Variants in CSMD1 observed in about 807,000 individuals in gnomAD.
The protein encoded by CSMD1 is CUB and sushi domain-containing protein 1.
Under a neutral mutation model 417.5 loss-of-function variants are expected in CSMD1, and 213 were observed. The ratio of observed to expected loss-of-function variants is 0.51; its 90% CI spans 0.46 to 0.57. The LOEUF (loss-of-function observed/expected upper bound fraction) is 0.57, where lower values mean the gene tolerates loss of function less well. Ranked by LOEUF, CSMD1 falls within the 20% of genes least tolerant of loss-of-function variation. CSMD1 has a pLI of 0.00. For missense variants in CSMD1, 6,923 were observed against 4,529.7 expected (o/e 1.53, Z -15.17); for synonymous variants, 2,862 against 1,736.8 (o/e 1.65, Z -16.11).
chr8:4,041,357 T>C (rs1797886036), intron 3 of CSMD1, among the ~76,000 whole-genome samples: 1 of 152,124 alleles, frequency 6.6e-6, no homozygotes, highest in Non-Finnish European at 1.5e-5. Context: ...TTAATCCATA[T>C]ATAAATTTTC....
At position 4,067,207 on chromosome 8, in the gene CSMD1, A is replaced by G. The variant is rs371507127; in HGVS notation, c.416-35108T>C. On this transcript the variant is annotated intron_variant, in intron 3 of 69. Transcript: ENST00000635120. ...TATCCTCCGTCTTTGCATCTATTTTATCATCTTTTTTCTACATGAAGTCAG... is the reference window on the plus strand; with the variant it reads ...TATCCTCCGTCTTTGCATCTATTTTGTCATCTTTTTTCTACATGAAGTCAG... 4.6e-5 allele frequency among the ~76,000 whole-genome samples: 7 copies of G among 152,350 alleles called. 1 individual carries two copies. Among genetic ancestry groups the G allele is most frequent in the Admixed American group, 3.9e-4 (6 of 15,308 alleles).
intron 1 of CSMD1, among the ~76,000 whole-genome samples, chr8:4,951,081 T>C (rs1808715810): frequency 6.6e-6 from 1 of 152,120 alleles, no homozygotes. Context: ...AAATGAAGAA[T>C]GAGATTTAGA....
At chr8:4,137,889 TTTAC>T (rs1803529938) in intron 3 of CSMD1, among the ~76,000 whole-genome samples, 2 of 151,870 alleles carry the variant, frequency 1.3e-5, no homozygotes, top group African/African-American at 4.8e-5. Context: ...AATTTATTTA[TTTAC>T]TTGAGATGAA....
chr8:4,350,201 C>G (rs185188060), intron 3 of CSMD1, among the ~76,000 whole-genome samples: 201 of 152,216 alleles, frequency 1.3e-3, no homozygotes, highest in Non-Finnish European at 2.4e-3. Flanking sequence ...TGTACAATTG[C>G]AAGGCTCTGT....
intron 7 of CSMD1, among the ~76,000 whole-genome samples, chr8:3,647,654 A>T (rs1193841243): frequency 6.6e-6 from 1 of 152,208 alleles, no homozygotes; most frequent in East Asian, 1.9e-4. Context: ...CATTCAAACA[A>T]ATTTTGTGAA....
At chr8:4,158,703 C>A (rs1796978235) in intron 3 of CSMD1, among the ~76,000 whole-genome samples, 1 of 152,040 alleles carries the variant, frequency 6.6e-6, no homozygotes. Context: ...ATTCCTAAAC[C>A]ACCCCATTCA....
intron 23 of CSMD1, among the ~76,000 whole-genome samples, chr8:3,310,755 C>T (rs1479892739): frequency 6.6e-6 from 1 of 151,374 alleles, no homozygotes; most frequent in Non-Finnish European, 1.5e-5. Flanking sequence ...AAGAACAAAG[C>T]TGTGAATGGC....
At chr8:3,110,033 A>C in intron 43 of CSMD1, 125 bp downstream of exon 43, 1 of 815,810 alleles carries the variant, frequency 1.2e-6, no homozygotes, top group Non-Finnish European at 1.8e-6. Flanking sequence ...TTCGTTGGTG[A>C]ATTTCTTCTC....
intron 3 of CSMD1, among the ~76,000 whole-genome samples, chr8:4,240,185 G>T (rs1005962316): frequency 6.6e-6 from 1 of 152,178 alleles, no homozygotes. Context: ...GGCCACTGAG[G>T]TTCCCATAAC....
At chr8:2,978,979 C>T (rs1805175237) in intron 54 of CSMD1, among the ~76,000 whole-genome samples, 179 bp from the exon 55 acceptor site, 1 of 152,176 alleles carries the variant, frequency 6.6e-6, no homozygotes, top group Non-Finnish European at 1.5e-5. Context: ...CACTCTTTTT[C>T]AAGAGGTGTC....
intron 10 of CSMD1, among the ~76,000 whole-genome samples, chr8:3,518,139 G>GA (rs1046728256): frequency 6.8e-6 from 1 of 146,972 alleles, no homozygotes; most frequent in Non-Finnish European, 1.5e-5. Flanking sequence ...ACTATTTCTA[G>GA]AAAAAAAAGA....
chr8:4,889,251 T>G (rs186215433), intron 1 of CSMD1, among the ~76,000 whole-genome samples: 19 of 152,188 alleles, frequency 1.2e-4, no homozygotes, highest in Admixed American at 1.2e-3. Context: ...CAAAATTAGT[T>G]CTATTATTGC....
chr8:3,522,332 T>C (rs1162219094), intron 10 of CSMD1, among the ~76,000 whole-genome samples: 2 of 152,238 alleles, frequency 1.3e-5, no homozygotes, highest in Non-Finnish European at 2.9e-5. Context: ...TTGTAAAGGA[T>C]ATCTTTTGAC....
intron 1 of CSMD1, among the ~76,000 whole-genome samples, chr8:4,863,922 T>C (rs1042181622): frequency 1.4e-5 from 2 of 146,424 alleles, no homozygotes; most frequent in African/African-American, 5.1e-5. Context: ...TGAAATGTTA[T>C]TTTTCTTCAT....
At chr8:4,226,252 T>C (rs1413765227) in intron 3 of CSMD1, among the ~76,000 whole-genome samples, 2 of 152,220 alleles carry the variant, frequency 1.3e-5, no homozygotes, top group East Asian at 1.9e-4. Context: ...TAAAATAGTG[T>C]ATTAACACCT....
intron 21 of CSMD1, among the ~76,000 whole-genome samples, chr8:3,349,899 TATA>T (rs1808288476): frequency 1.1e-5 from 1 of 90,432 alleles, no homozygotes; most frequent in African/African-American, 4.0e-5. Context: ...ATTTATAATA[TATA>T]TTTATATATA....
chr8:3,108,722 T>G lies in CSMD1; in HGVS notation c.6635A>C (p.Gln2212Pro). ...TGTGTTGCCACTGAAAACTCCCAGCTGGGGTGAGTTCTGATCGGGACCGTC... is the reference window on the plus strand; with the variant it reads ...TGTGTTGCCACTGAAAACTCCCAGCGGGGGTGAGTTCTGATCGGGACCGTC... ...VWDGPDQNSP[Q>P]LGVFSGNTAL... Residue 2212 changes from glutamine to proline, a missense_variant, in exon 44 of 70, where the codon CAG becomes CCG. By Grantham distance (76) the Gln-to-Pro change is moderately conservative (BLOSUM62 -1). Coordinates refer to ENST00000635120, the MANE Select transcript of CSMD1 (RefSeq NM_033225.6). 1 of 1,613,504 alleles carries G rather than the reference T, an allele frequency of 6.2e-7. No homozygotes were observed. Among genetic ancestry groups the G allele is most frequent in the African/African-American group, 1.3e-5 (1 of 75,046 alleles).
At chr8:2,999,195 C>T (rs1177064857) in intron 53 of CSMD1, among the ~76,000 whole-genome samples, 1 of 146,668 alleles carries the variant, frequency 6.8e-6, no homozygotes, top group African/African-American at 2.5e-5. Flanking sequence ...TGGTCTGTCA[C>T]CCAGGCTGGG....
rs116450397 is a variant in CSMD1 at position 4,143,164 on chromosome 8, G to A, written c.416-111065C>T. Among the ~76,000 whole-genome samples, 1,114 of 151,114 alleles carry A rather than the reference G, an allele frequency of 7.4e-3. 82 individuals are homozygous for A. Among genetic ancestry groups the A allele is most frequent in the African/African-American group, 0.027 (1,074 of 40,468 alleles). ...TAGAGAAACAAATGCACTAGCAAAT[G>A]TGAGTGTTCAAAACAGGTAAGTGCT... On this transcript the variant is annotated intron_variant, in intron 3 of 69. Coordinates refer to ENST00000635120, the MANE Select transcript of CSMD1 (RefSeq NM_033225.6).
Sources: allele counts gnomAD v4.1 joint callset (sites outside exome capture counted in the v4.1 genomes callset), GRCh38; gene constraint gnomAD v4.1.1; transcripts MANE v1.5; gene names NCBI Gene and HGNC (gene_info 2026-07-23, HGNC 2026-07-21).